The following AUTS2 variants were observed in gnomAD, a reference collection of about 807,000 sequenced individuals.
AUTS2 encodes autism susceptibility gene 2 protein.
Under a neutral mutation model 112.4 loss-of-function variants are expected in AUTS2, and 17 were observed. The observed-to-expected ratio is 0.15, with a 90% CI of 0.10 to 0.23. AUTS2 has a LOEUF of 0.23. Ranked by LOEUF, AUTS2 falls within the 10% of genes least tolerant of loss-of-function variation. The pLI is 1.00. For synonymous variants in AUTS2, 751 were observed against 702.7 expected, an observed-to-expected ratio of 1.07 and a Z score of -1.09; for missense variants, 1,510 against 1,701.6, an observed-to-expected ratio of 0.89 and a Z score of 1.98.
chr7:69,862,113 TTTAAG>T (rs1472180316), intron 1 of AUTS2, among the ~76,000 whole-genome samples: 1 of 152,250 alleles, frequency 6.6e-6, no homozygotes, highest in Non-Finnish European at 1.5e-5. Context: ...GCTTTTTACC[TTTAAG>T]TTATTTTACC....
At chr7:70,301,509 G>C (rs1429605826) in intron 4 of AUTS2, among the ~76,000 whole-genome samples, 1 of 152,044 alleles carries the variant, frequency 6.6e-6, no homozygotes, top group Non-Finnish European at 1.5e-5. Context: ...ATCCTTTCTT[G>C]AACCCATAAA....
rs186614914 is a variant in AUTS2 at position 70,330,486 on chromosome 7, G to A, written c.661-105266G>A. Among the ~76,000 whole-genome samples, 192 of 152,294 alleles carry A rather than the reference G, an allele frequency of 1.3e-3. 2 individuals are homozygous for A. The highest frequency in any genetic ancestry group is 4.1e-3 in the East Asian group (21 of 5,178). On this transcript the variant is annotated intron_variant, in intron 4 of 18. Transcript: ENST00000342771. ...TCAATTCTATTTCATTGGTCTGCGTGTCTATCCTTATGCCAGTAGTACACT... is the reference window on the plus strand; with the variant it reads ...TCAATTCTATTTCATTGGTCTGCGTATCTATCCTTATGCCAGTAGTACACT...
chr7:70,456,496 C>T (rs537376540), intron 5 of AUTS2, among the ~76,000 whole-genome samples: 2 of 152,266 alleles, frequency 1.3e-5, no homozygotes, highest in South Asian at 4.1e-4. Flanking sequence ...TCAGAGACAC[C>T]AATATCAGCG....
At chr7:70,744,244 G>A (rs182959342) in intron 6 of AUTS2, among the ~76,000 whole-genome samples, 70 of 152,236 alleles carry the variant, frequency 4.6e-4, no homozygotes, top group Non-Finnish European at 2.9e-4. Context: ...TATAGCCAAC[G>A]TCACTCATTA....
rs191628523 is a variant in AUTS2 at position 69,609,959 on chromosome 7, C to T, written c.309+9997C>T. Among the ~76,000 whole-genome samples, 538 of 152,298 alleles carry T rather than the reference C, an allele frequency of 3.5e-3. 2 individuals carry two copies. The highest frequency in any genetic ancestry group is 0.012 in the African/African-American group (513 of 41,570). The stretch of plus-strand genomic sequence containing the variant: ...TAAATGTAAACCATAAACCAGGATA[C>T]CTGAGCATTGTGCCTTACATATTTG... On this transcript the variant is annotated intron_variant, in intron 1 of 18. Transcript: ENST00000342771.
At chr7:70,068,071 AAGAG>A (rs1201522745) in intron 2 of AUTS2, among the ~76,000 whole-genome samples, 1 of 152,184 alleles carries the variant, frequency 6.6e-6, no homozygotes, top group Non-Finnish European at 1.5e-5. Context: ...TGTATGGAAA[AAGAG>A]AGTGAGAACA....
chr7:69,856,208 C>G (rs893991586), intron 1 of AUTS2, among the ~76,000 whole-genome samples: 6 of 152,036 alleles, frequency 3.9e-5, no homozygotes, highest in Non-Finnish European at 8.8e-5. Context: ...CCCAAGGGGT[C>G]AGTGGAACTT....
At chr7:69,602,668 C>T (rs568067814) in intron 1 of AUTS2, among the ~76,000 whole-genome samples, 1 of 152,332 alleles carries the variant, frequency 6.6e-6, no homozygotes, top group African/African-American at 2.4e-5. Flanking sequence ...TATTATCACA[C>T]TTAAATGAAT....
At chr7:70,153,858 A>G (rs1171741082) in intron 4 of AUTS2, among the ~76,000 whole-genome samples, 1 of 152,222 alleles carries the variant, frequency 6.6e-6, no homozygotes, top group Admixed American at 6.5e-5. Flanking sequence ...GTCCTGTTTT[A>G]TAGAATTACG....
At chr7:69,876,531 TATATATATA>T in intron 1 of AUTS2, among the ~76,000 whole-genome samples, 1 of 69,040 alleles carries the variant, frequency 1.4e-5, no homozygotes, top group East Asian at 4.6e-4. Context: ...TATATATATA[TATATATATA>T]TATATTTTCA....
intron 5 of AUTS2, among the ~76,000 whole-genome samples, chr7:70,582,269 C>T (rs1802486634): frequency 6.6e-6 from 1 of 151,974 alleles, no homozygotes; most frequent in Non-Finnish European, 1.5e-5. Flanking sequence ...CTTTTCAGAC[C>T]CGCACTCTTT....
At chr7:69,792,707 A>G (rs1018508023) in intron 1 of AUTS2, among the ~76,000 whole-genome samples, 1 of 152,138 alleles carries the variant, frequency 6.6e-6, no homozygotes, top group African/African-American at 2.4e-5. Flanking sequence ...TAGTGAATCT[A>G]CGAGACTGAG....
intron 2 of AUTS2, among the ~76,000 whole-genome samples, chr7:70,042,572 T>A (rs1431586031): frequency 6.6e-6 from 1 of 152,052 alleles, no homozygotes; most frequent in Admixed American, 6.5e-5. Flanking sequence ...TGAATAGAGG[T>A]TTAAAGTAAG....
chr7:70,066,014 A>G (rs1049295842), intron 2 of AUTS2, among the ~76,000 whole-genome samples: 2 of 152,160 alleles, frequency 1.3e-5, no homozygotes, highest in African/African-American at 4.8e-5. Context: ...ATAAGAAGAA[A>G]TTAAGGCTTA....
chr7:69,920,171 A>G (rs1293534188), intron 2 of AUTS2, among the ~76,000 whole-genome samples: 1 of 152,122 alleles, frequency 6.6e-6, no homozygotes, highest in Non-Finnish European at 1.5e-5. Context: ...TGGATAATTC[A>G]TGGTGAAGGA....
intron 6 of AUTS2, among the ~76,000 whole-genome samples, chr7:70,720,323 C>T (rs984850354): frequency 2.0e-5 from 3 of 152,022 alleles, no homozygotes; most frequent in African/African-American, 7.2e-5. Context: ...CCCGCTGCCT[C>T]GGGGAATACT....
At chr7:69,913,949 G>T (rs963147255) in intron 2 of AUTS2, among the ~76,000 whole-genome samples, 2 of 152,096 alleles carry the variant, frequency 1.3e-5, no homozygotes, top group East Asian at 1.9e-4. Context: ...TGAATGATGA[G>T]ATCCTTCTAG....
At chr7:69,997,365 G>A (rs566825380) in intron 2 of AUTS2, among the ~76,000 whole-genome samples, 1 of 152,266 alleles carries the variant, frequency 6.6e-6, no homozygotes, top group East Asian at 1.9e-4. Context: ...ATTACACATT[G>A]GTTTTGGCAT....
chr7:70,134,903 G>A (rs139365945), intron 4 of AUTS2, among the ~76,000 whole-genome samples: 6 of 152,276 alleles, frequency 3.9e-5, no homozygotes, highest in African/African-American at 1.4e-4. Flanking sequence ...GAAGTGTCAT[G>A]TGGGGGATGG....
Sources: allele counts gnomAD v4.1 joint callset (sites outside exome capture counted in the v4.1 genomes callset), GRCh38; gene constraint gnomAD v4.1.1; transcripts MANE v1.5; gene names NCBI Gene and HGNC (gene_info 2026-07-23, HGNC 2026-07-21).